The following UNC79 variants were observed in gnomAD, a reference collection of about 807,000 sequenced individuals.
UNC79 encodes unc-79 subunit of NALCN channel complex.
Under a neutral mutation model 283.1 loss-of-function variants are expected in UNC79, and 37 were observed. The ratio of observed to expected loss-of-function variants is 0.13; its 90% CI spans 0.10 to 0.17. UNC79 has a LOEUF of 0.17. Ranked by LOEUF, UNC79 falls within the 10% of genes least tolerant of loss-of-function variation. The pLI is 1.00. For synonymous variants in UNC79, 1,107 were observed against 1,200.2 expected (o/e 0.92, Z 1.61); for missense variants, 2,272 against 3,211.1 (o/e 0.71, Z 7.07).
chr14:93,443,747 A>T (rs1481882586), intron 1 of UNC79, among the ~76,000 whole-genome samples: 1 of 152,104 alleles, frequency 6.6e-6, no homozygotes, highest in East Asian at 1.9e-4. Context: ...TTTATTTATC[A>T]TAATGTTTTG....
intron 41 of UNC79, among the ~76,000 whole-genome samples, chr14:93,678,076 T>G (rs1405465209): frequency 2.0e-5 from 3 of 152,166 alleles, no homozygotes; most frequent in African/African-American, 7.2e-5. Flanking sequence ...AGGCCAAAGA[T>G]CTAGGCTGGA....
At chr14:93,365,384 C>CA (rs34673069) in intron 1 of UNC79, among the ~76,000 whole-genome samples, 70,325 of 107,732 alleles carry the variant, frequency 0.65, 23,231 homozygotes, top group Non-Finnish European at 0.73. Context: ...TACTCCATCT[C>CA]AAAAAAAAAA....
chr14:93,530,726 G>C (rs1488101222), intron 10 of UNC79, among the ~76,000 whole-genome samples: 1 of 152,094 alleles, frequency 6.6e-6, no homozygotes, highest in Non-Finnish European at 1.5e-5. Context: ...TGGCTAACAT[G>C]GTGAAACCCC....
chr14:93,584,649 C>T (rs1402101947), intron 20 of UNC79, among the ~76,000 whole-genome samples: 3 of 152,176 alleles, frequency 2.0e-5, no homozygotes, highest in African/African-American at 4.8e-5. Context: ...CTGCTTTTAT[C>T]TCTGCGTAAT....
exon 2 of UNC79, chr14:93,467,726 T>A (rs1474400126): frequency 7.1e-7 from 1 of 1,404,494 alleles, no homozygotes; most frequent in Non-Finnish European, 9.3e-7. Context: ...TCCACAACAT[T>A]TATCCTGTAC....
chr14:93,378,250 G>A (rs2054599693), intron 1 of UNC79, among the ~76,000 whole-genome samples: 1 of 152,168 alleles, frequency 6.6e-6, no homozygotes, highest in South Asian at 2.1e-4. Context: ...TGGAAAGGTG[G>A]GAACACACTT....
At chr14:93,590,683 A>G (rs921298360) in intron 22 of UNC79, among the ~76,000 whole-genome samples, 2 of 152,176 alleles carry the variant, frequency 1.3e-5, no homozygotes, top group South Asian at 2.1e-4. Context: ...CACAAAAACC[A>G]TGATGGACAA....
intron 1 of UNC79, among the ~76,000 whole-genome samples, chr14:93,449,266 C>G (rs189955259): frequency 7.7e-4 from 117 of 152,246 alleles, no homozygotes; most frequent in African/African-American, 2.6e-3. Flanking sequence ...CAGAATCCTC[C>G]TCTTTTACCA....
In UNC79 at chr14:93,485,198, GTA is replaced by G. The variant is rs543313928; in HGVS notation, c.620-2457_620-2456del. Among the ~76,000 whole-genome samples, 276 of 135,136 alleles carry G rather than the reference GTA, an allele frequency of 2.0e-3. 2 individuals are homozygous for G. Among genetic ancestry groups the G allele is most frequent in the African/African-American group, 7.0e-3 (263 of 37,622 alleles). The allele number at this position is 135,136 out of a possible 152,430, so 88.7% of individuals were successfully genotyped here. ...AGAATATATATATGTATATATATGT[GTA>G]TATATATGTGTATATATATATATGT... On this transcript the variant is annotated intron_variant, in intron 4 of 48. Transcript: ENST00000555664.
At chr14:93,361,510 C>CA (rs35635849) in intron 1 of UNC79, among the ~76,000 whole-genome samples, 1,972 of 138,694 alleles carry the variant, frequency 0.014, 42 homozygotes, top group African/African-American at 0.047. Flanking sequence ...GACACTATCT[C>CA]AAAAAAAAAA....
chr14:93,654,094 GT>G (rs2070634152), intron 37 of UNC79, 69 bp downstream of exon 40: 5 of 1,323,108 alleles, frequency 3.8e-6, no homozygotes, highest in Non-Finnish European at 4.3e-6. Context: ...TGTGGGCTGT[GT>G]TTCTTTGAGT....
intron 40 of UNC79, among the ~76,000 whole-genome samples, chr14:93,667,397 A>G (rs1280952350): frequency 1.3e-5 from 2 of 152,176 alleles, no homozygotes; most frequent in Admixed American, 6.5e-5. Flanking sequence ...CAGCATAACT[A>G]CAGACAGAGA....
At chr14:93,596,173 AG>A (rs1435520484) in intron 23 of UNC79, among the ~76,000 whole-genome samples, 4 of 152,238 alleles carry the variant, frequency 2.6e-5, no homozygotes, top group Admixed American at 2.0e-4. Context: ...TTGTGTTCAT[AG>A]CTCATATTCT....
intron 4 of UNC79, among the ~76,000 whole-genome samples, chr14:93,482,197 T>C (rs1368451899): frequency 6.6e-6 from 1 of 152,192 alleles, no homozygotes; most frequent in East Asian, 1.9e-4. Context: ...AATTTCATCA[T>C]CTTAAATATT....
rs1247778150 is a variant in UNC79 at position 93,347,567 on chromosome 14, C to T, written c.-351+14044C>T. Among the ~76,000 whole-genome samples the T allele has an allele frequency of 2.0e-5, 3 of 151,884 alleles. No individual in the cohort carries two copies. The East Asian group carries it at 5.8e-4, about 29-fold the overall frequency. The stretch of plus-strand genomic sequence containing the variant: ...GCTTGGTCGCCTTTGGGGGAGGTTC[C>T]TGGGAGAGGGTCGCGGTGAGGATGC... On this transcript the variant is annotated intron_variant, in intron 1 of 49. Transcript: ENST00000256339.
chr14:93,395,979 C>T (rs1210430326), intron 1 of UNC79, among the ~76,000 whole-genome samples: 5 of 152,074 alleles, frequency 3.3e-5, no homozygotes, highest in Non-Finnish European at 5.9e-5. Flanking sequence ...TCTTTCTGTA[C>T]CTTTCTCTTG....
intron 1 of UNC79, among the ~76,000 whole-genome samples, chr14:93,459,145 C>A (rs1014101422): frequency 2.0e-5 from 3 of 152,152 alleles, no homozygotes; most frequent in Non-Finnish European, 4.4e-5. Flanking sequence ...GTGGGTGCCA[C>A]CAAAACTGGC....
intron 47 of UNC79, among the ~76,000 whole-genome samples, chr14:93,696,954 G>A (rs952633160): frequency 6.6e-6 from 1 of 152,122 alleles, no homozygotes; most frequent in African/African-American, 2.4e-5. Context: ...TGTATATGGT[G>A]TGAGGTGTGG....
chr14:93,628,608 C>T (rs1003168551), intron 30 of UNC79, among the ~76,000 whole-genome samples: 1 of 152,178 alleles, frequency 6.6e-6, no homozygotes, highest in African/African-American at 2.4e-5. Flanking sequence ...CTGATTTGTT[C>T]ACTGACTCTA....
Sources: allele counts gnomAD v4.1 joint callset (sites outside exome capture counted in the v4.1 genomes callset), GRCh38; gene constraint gnomAD v4.1.1; transcripts MANE v1.5; gene names NCBI Gene and HGNC (gene_info 2026-07-23, HGNC 2026-07-21).